The following ABCC8 variants were observed in gnomAD, a reference collection of about 807,000 sequenced individuals.
ABCC8 encodes the protein ATP-binding cassette sub-family C member 8.
In ABCC8, 137 loss-of-function variants were observed where a neutral mutation model predicts 188.0. The ratio of observed to expected loss-of-function variants is 0.73; its 90% CI spans 0.63 to 0.84. ABCC8 has a LOEUF of 0.84. Among genes scored for constraint, ABCC8 ranks in the 40% least tolerant of loss-of-function variants. The pLI is 0.00. For synonymous variants in ABCC8, 797 were observed against 846.5 expected, an observed-to-expected ratio of 0.94 and a Z score of 1.01; for missense variants, 1,750 against 2,072.7, an observed-to-expected ratio of 0.84 and a Z score of 3.02.
intron 9 of ABCC8, 127 bp downstream of exon 9, chr11:17,443,051 C>T (rs1591833721): frequency 2.7e-6 from 4 of 1,495,266 alleles, no homozygotes; most frequent in Non-Finnish European, 1.8e-6. Context: ...GAGGCCTGGA[C>T]AGGTGAAGTG....
intron 6 of ABCC8, among the ~76,000 whole-genome samples, chr11:17,460,097 A>G (rs902021721): frequency 6.6e-6 from 1 of 152,220 alleles, no homozygotes; most frequent in African/African-American, 2.4e-5. Context: ...CAGCCTTTAC[A>G]GGACTGAAGA....
At position 17,470,061 on chromosome 11, in the gene ABCC8, T is replaced by C. The variant is rs367982370; in HGVS notation, c.412+40A>G. 84 of 1,605,892 alleles carry C rather than the reference T, an allele frequency of 5.2e-5. No homozygotes were observed. In the African/African-American group the frequency reaches 1.1e-3, roughly 20 times the overall value. ...CCTCAGTAAACATTATCTGAAGAAA[T>C]GAATGAAGGTACTGCCCCTCCCTCC... On this transcript the variant is annotated intron_variant, in intron 3 of 38. Coordinates refer to ENST00000389817, the MANE Select transcript of ABCC8 (RefSeq NM_000352.6).
chr11:17,394,142 G>A, intron 37 of ABCC8, 124 bp downstream of exon 37: 1 of 1,293,156 alleles, frequency 7.7e-7, no homozygotes, highest in Non-Finnish European at 1.1e-6. Context: ...TTCATTTTCT[G>A]CAACACATAG....
At chr11:17,423,356 C>CAAA (rs58524307) in intron 16 of ABCC8, among the ~76,000 whole-genome samples, 1,685 of 63,174 alleles carry the variant, frequency 0.027, 261 homozygotes, top group African/African-American at 0.1. Context: ...GACTCCGTCT[C>CAAA]AAAAAAAAAA....
Position 17,395,569 on chromosome 11 carries a change from C to T in ABCC8, c.4307+41G>A, listed in dbSNP as rs571684505. On this transcript the variant is annotated intron_variant, in intron 35 of 38. Transcript: ENST00000389817. ...TGCTCCAGATCTGATGGAACTGAGC[C>T]GGCCTGGGGCTGGGTGGGCCTGAGG... The T allele has an allele frequency of 1.8e-4, 282 of 1,541,962 alleles. 3 individuals are homozygous for T. In the South Asian group the frequency reaches 2.9e-3, roughly 16 times the overall value.
chr11:17,412,983 C>T, intron 20 of ABCC8: 2 of 808,510 alleles, frequency 2.5e-6, no homozygotes, highest in Non-Finnish European at 3.8e-6. Context: ...ACCATCTGAC[C>T]AGTACAAACA....
At position 17,442,787 on chromosome 11, in the gene ABCC8, C is replaced by T. The variant is rs1481558083; in HGVS notation, c.1563G>A (p.Arg521=). The T allele has an allele frequency of 1.9e-6, 3 of 1,614,078 alleles. No individual in the cohort carries two copies. The highest frequency in any genetic ancestry group is 1.1e-5 in the South Asian group (1 of 91,060). ...LYAWENIFRT[R]VETTRRKEMT... is the part of the protein sequence containing the mutation. ...TCTCCTTCCTGCGGGTCGTCTCCAC[C>T]CGCGTGCGGAAGATGTTCTCCCAGG... is the stretch of plus-strand genomic sequence containing the variant. The change falls in exon 10 of 39, where the codon CGG becomes CGA. Residue 521 remains arginine (R), a synonymous_variant. Transcript: ENST00000389817.
intron 13 of ABCC8, 68 bp downstream of exon 13, chr11:17,428,497 A>C: frequency 6.2e-7 from 1 of 1,605,210 alleles, no homozygotes; most frequent in Non-Finnish European, 8.5e-7. Context: ...GAAGTCCGAC[A>C]CAGCAGGCCC....
chr11:17,463,344 T>G, intron 4 of ABCC8, 94 bp downstream of exon 4: 3 of 1,078,392 alleles, frequency 2.8e-6, no homozygotes, highest in Non-Finnish European at 4.1e-6. Context: ...CTTCTCAGTT[T>G]GGCTGAGAAG....
intron 6 of ABCC8, among the ~76,000 whole-genome samples, chr11:17,454,978 G>T (rs1161945113): frequency 6.6e-6 from 1 of 152,120 alleles, no homozygotes; most frequent in Admixed American, 6.5e-5. Flanking sequence ...TTTTTAACAT[G>T]CCCTGGGATT....
intron 4 of ABCC8, 31 bp downstream of exon 4, chr11:17,463,407 C>T: frequency 1.9e-6 from 3 of 1,567,494 alleles, no homozygotes; most frequent in Non-Finnish European, 2.6e-6. Flanking sequence ...CTCTGCTTCC[C>T]ACCCCACCCT....
rs2077655 is a variant in ABCC8 at position 17,406,315 on chromosome 11, G to A, written c.3329+307C>T. On this transcript the variant is annotated intron_variant, in intron 26 of 38. Transcript: ENST00000389817. The stretch of plus-strand genomic sequence containing the variant: ...GAGCTGAACTCATGGGTGGGGATGG[G>A]CAAATTACACCCACTTAGGGAGGAG... 0.18 allele frequency: 73,702 copies of A among 401,860 alleles called. 14,876 individuals carry two copies. The highest frequency in any genetic ancestry group is 0.7 in the African/African-American group (35,053 of 50,022). 24.9% of individuals were successfully genotyped at this position (401,860 alleles called of 1,614,324 possible).
At chr11:17,420,224 C>A (rs1393241161) in intron 16 of ABCC8, among the ~76,000 whole-genome samples, 1 of 152,218 alleles carries the variant, frequency 6.6e-6, no homozygotes, top group African/African-American at 2.4e-5. Flanking sequence ...TTACCTTTCA[C>A]CCACAGCATC....
intron 26 of ABCC8, 26 bp downstream of exon 26, chr11:17,406,596 C>T (rs773699562): frequency 3.1e-6 from 5 of 1,603,544 alleles, no homozygotes; most frequent in African/African-American, 2.7e-5. Flanking sequence ...GCTCACAGTC[C>T]CAGCCTGGCC....
chr11:17,436,134 G>A (rs1470061743), intron 10 of ABCC8: 1 of 774,172 alleles, frequency 1.3e-6, no homozygotes, highest in African/African-American at 1.7e-5. Flanking sequence ...GGCTAAAGTG[G>A]GCTCGGAGGC....
intron 6 of ABCC8, among the ~76,000 whole-genome samples, chr11:17,456,516 C>G (rs533842109): frequency 6.6e-6 from 1 of 152,152 alleles, no homozygotes; most frequent in Non-Finnish European, 1.5e-5. Context: ...CTCTTGTTTC[C>G]TATTTTGGCA....
chr11:17,463,046 A>G (rs1238868621), intron 4 of ABCC8, among the ~76,000 whole-genome samples: 5 of 152,180 alleles, frequency 3.3e-5, no homozygotes, highest in African/African-American at 4.8e-5. Context: ...GGGAGCAAAC[A>G]GAAAGGAAAA....
intron 26 of ABCC8, among the ~76,000 whole-genome samples, chr11:17,406,145 G>A (rs964788185): frequency 3.9e-5 from 6 of 152,200 alleles, no homozygotes; most frequent in Non-Finnish European, 7.3e-5. Context: ...ATTGGGCAGG[G>A]ACAACTTTAA....
chr11:17,395,330 C>T, intron 35 of ABCC8, 55 bp from the exon 36 acceptor site: 1 of 1,551,892 alleles, frequency 6.4e-7, no homozygotes, highest in Non-Finnish European at 8.7e-7. Context: ...TGCCTGCATC[C>T]CCAGGCGGCA....
Sources: gnomAD v4.1 joint callset for allele counts (sites outside exome capture counted in the v4.1 genomes callset) on GRCh38, gnomAD v4.1.1 for gene constraint, MANE v1.5 for transcripts, NCBI Gene and HGNC (gene_info 2026-07-23, HGNC 2026-07-21) for gene names.